The following NRG4 variants were observed in gnomAD, a reference collection of about 807,000 sequenced individuals.
NRG4 encodes the protein pro-neuregulin-4, membrane-bound isoform.
Under a neutral mutation model 15.0 loss-of-function variants are expected in NRG4, and 10 were observed. The ratio of observed to expected loss-of-function variants is 0.67; its 90% CI spans 0.41 to 1.13. The LOEUF (loss-of-function observed/expected upper bound fraction) is 1.13. Ranked by LOEUF, NRG4 falls within the 50% of genes most tolerant of loss-of-function variation. The probability of loss-of-function intolerance (pLI) is 0.00; values close to 1 mark genes in which losing one functional copy is unlikely to be tolerated. For missense variants in NRG4, 139 were observed against 140.2 expected, an observed-to-expected ratio of 0.99 and a Z score of 0.04; for synonymous variants, 41 against 50.1, an observed-to-expected ratio of 0.82 and a Z score of 0.77.
intron 5 of NRG4, among the ~76,000 whole-genome samples, chr15:75,954,508 C>A (rs2032110945): frequency 6.7e-6 from 1 of 150,336 alleles, no homozygotes; most frequent in Non-Finnish European, 1.5e-5. Context: ...TGGCTCAATG[C>A]AACCTCCGCC....
chr15:76,005,679 G>GAAAAAAAAA (rs776504828), intron 3 of NRG4: 4 of 152,160 alleles, frequency 2.6e-5, no homozygotes, highest in East Asian at 1.7e-4. Context: ...CTCTGTCTCA[G>GAAAAAAAAA]AAAAAAAAAA....
chr15:75,945,679 A>G (rs1253174397), intron 5 of NRG4: 2 of 152,128 alleles, frequency 1.3e-5, no homozygotes, highest in African/African-American at 4.8e-5. Context: ...AAACACATCA[A>G]CTGATAGCAT....
At position 75,989,745 on chromosome 15, in the gene NRG4, A is replaced by G. The variant is rs192943189; in HGVS notation, c.104+19455T>C. Among the ~76,000 whole-genome samples the G allele has an allele frequency of 2.1e-3, 315 of 152,024 alleles. 1 individual carries two copies. Among genetic ancestry groups the G allele is most frequent in the Middle Eastern group, 6.8e-3 (2 of 294 alleles). On this transcript the variant is annotated intron_variant, in intron 3 of 5. Coordinates refer to ENST00000394907, the MANE Select transcript of NRG4 (RefSeq NM_138573.4). Reference sequence around the variant, plus strand: ...TAATTCCATCATTGCTGACATTTGTAGGTCTGTTTCTACTGATTGACTTTT... The same window carrying G: ...TAATTCCATCATTGCTGACATTTGTGGGTCTGTTTCTACTGATTGACTTTT...
At chr15:76,044,152 C>T (rs1414745384) in intron 4 of NRG4, among the ~76,000 whole-genome samples, 14 of 150,512 alleles carry the variant, frequency 9.3e-5, no homozygotes, top group African/African-American at 3.3e-4. Flanking sequence ...CGCCCGCCAC[C>T]GCGCCCGGCT....
chr15:75,976,469 T>G (rs1204787646), intron 3 of NRG4, among the ~76,000 whole-genome samples: 1 of 152,204 alleles, frequency 6.6e-6, no homozygotes, highest in Non-Finnish European at 1.5e-5. Flanking sequence ...CTCATCTTCG[T>G]GGATTTATCT....
intron 2 of NRG4, among the ~76,000 whole-genome samples, chr15:76,054,180 C>G (rs369089679): frequency 6.6e-6 from 1 of 150,656 alleles, no homozygotes; most frequent in African/African-American, 2.5e-5. Context: ...CTCTGCCTCC[C>G]AGGCTCAAAC....
Position 76,049,354 on chromosome 15 carries a change from T to C in NRG4, c.-105+2713A>G, listed in dbSNP as rs981754261. On this transcript the variant is annotated intron_variant, in intron 4 of 8. Coordinates refer to the NRG4 transcript ENST00000563910. ...GTGTCTATTTTTTCTCCTACTCAAA[T>C]GCTTCTTTCATTTCCATTTTATTTG... Among the ~76,000 whole-genome samples the C allele has an allele frequency of 1.7e-4, 25 of 151,044 alleles. 1 individual carries two copies. The highest frequency in any genetic ancestry group is 3.2e-4 in the Non-Finnish European group (22 of 67,870).
At chr15:75,935,572 A>T (rs2030260758), downstream of NRG4, 1 of 151,176 alleles carries the variant, frequency 6.6e-6, no homozygotes, top group Non-Finnish European at 1.5e-5. Flanking sequence ...AAACCTTGAA[A>T]TTAAGACCTA....
chr15:75,961,051 T>C (rs562120327), intron 4 of NRG4, among the ~76,000 whole-genome samples: 46 of 152,314 alleles, frequency 3.0e-4, no homozygotes, highest in Admixed American at 9.2e-4. Flanking sequence ...TATACAAACT[T>C]CTCAAGCCCA....
At chr15:75,944,016 A>C (rs925984968) in intron 5 of NRG4, among the ~76,000 whole-genome samples, 12 of 152,040 alleles carry the variant, frequency 7.9e-5, no homozygotes, top group African/African-American at 2.4e-4. Context: ...AGGGGAAAAG[A>C]TTGCTAGAGT....
chr15:76,007,924 T>A (rs59690620), intron 3 of NRG4, among the ~76,000 whole-genome samples: 5,656 of 152,216 alleles, frequency 0.037, 181 homozygotes, highest in African/African-American at 0.085. Context: ...TCCCCTTTTT[T>A]AAAAAATTAT....
chr15:76,059,907 G>C (rs1440202991), upstream of NRG4: 3 of 146,630 alleles, frequency 2.0e-5, no homozygotes, highest in Non-Finnish European at 3.0e-5. Context: ...GAGGGGCGGA[G>C]GGAGCGGCGG....
intron 3 of NRG4, among the ~76,000 whole-genome samples, chr15:76,007,428 T>C (rs2034644816): frequency 7.9e-6 from 1 of 127,096 alleles, no homozygotes; most frequent in African/African-American, 3.3e-5. Context: ...TTAAACGCAC[T>C]TTTTTTTTTT....
chr15:76,004,580 C>T (rs2034530821), intron 3 of NRG4, among the ~76,000 whole-genome samples: 1 of 126,662 alleles, frequency 7.9e-6, no homozygotes, highest in South Asian at 2.5e-4. Flanking sequence ...GCCTGGGCAA[C>T]AAGAGCGAAA....
chr15:76,057,816 T>C (rs1176857328), intron 1 of NRG4, among the ~76,000 whole-genome samples: 1 of 150,388 alleles, frequency 6.6e-6, no homozygotes, highest in Non-Finnish European at 1.5e-5. Context: ...ATATTATAAA[T>C]ACATAATATA....
intron 1 of NRG4, 87 bp downstream of exon 1, chr15:76,012,232 A>G (rs540812700): frequency 6.6e-6 from 1 of 152,154 alleles, no homozygotes; most frequent in African/African-American, 2.4e-5. Flanking sequence ...GAAGGAGAAC[A>G]TTAAATCTAT....
chr15:75,952,481 C>T lies in NRG4; in HGVS notation c.331+3451G>A, dbSNP rs1389814354. Among the ~76,000 whole-genome samples the T allele has an allele frequency of 2.6e-5, 4 of 152,188 alleles. 1 individual carries two copies. The East Asian group carries it at 7.7e-4, about 29-fold the overall frequency. On this transcript the variant is annotated intron_variant, in intron 5 of 5. Coordinates refer to ENST00000394907, the MANE Select transcript of NRG4 (RefSeq NM_138573.4). ...TAACACATTTTATATATCCATTTAT[C>T]AGCTGATGGACATTTGACTAATTTC... is the stretch of plus-strand genomic sequence containing the variant.
At chr15:76,028,853 G>A (rs190106728) in intron 5 of NRG4, among the ~76,000 whole-genome samples, 53 of 141,748 alleles carry the variant, frequency 3.7e-4, no homozygotes, top group Non-Finnish European at 6.1e-4. Flanking sequence ...GCAGTGAACT[G>A]AGATGTGCCA....
intron 3 of NRG4, among the ~76,000 whole-genome samples, chr15:75,989,348 G>A (rs998945430): frequency 3.3e-5 from 5 of 152,024 alleles, no homozygotes; most frequent in East Asian, 1.9e-4. Context: ...GTGGCCTACC[G>A]ATGAATGCTC....
Sources: gnomAD v4.1 joint callset for allele counts (sites outside exome capture counted in the v4.1 genomes callset) on GRCh38, gnomAD v4.1.1 for gene constraint, MANE v1.5 for transcripts, NCBI Gene and HGNC (gene_info 2026-07-23, HGNC 2026-07-21) for gene names.